Variants in MYO1E observed in about 807,000 individuals in gnomAD.
The protein encoded by MYO1E is myosin IE.
MYO1E carries 68 observed loss-of-function variants against 151.1 expected under a neutral mutation model. That is an observed-to-expected ratio of 0.45 (90% CI 0.37 to 0.55). The LOEUF is 0.55. Among genes scored for constraint, MYO1E ranks in the 20% least tolerant of loss-of-function variants. The pLI is 0.00. For synonymous variants in MYO1E, 601 were observed against 501.7 expected (o/e 1.20, Z -2.64); for missense variants, 1,363 against 1,389.3 (o/e 0.98, Z 0.30).
intron 1 of MYO1E, among the ~76,000 whole-genome samples, chr15:59,274,171 C>G (rs1383345715): frequency 6.6e-6 from 1 of 152,098 alleles, no homozygotes; most frequent in African/African-American, 2.4e-5. Flanking sequence ...GAAAAGTGTA[C>G]AGTGTCATGG....
rs1201241759 is a variant in MYO1E at position 59,350,491 on chromosome 15, G to GAGGGCAGCA, written c.3+22006_3+22007insTGCTGCCCT. 1.3e-5 allele frequency among the ~76,000 whole-genome samples: 2 copies of GAGGGCAGCA among 152,220 alleles called. No individual in the cohort carries two copies. Among genetic ancestry groups the GAGGGCAGCA allele is most frequent in the African/African-American group, 4.8e-5 (2 of 41,462 alleles). On this transcript the variant is annotated intron_variant, in intron 1 of 27. Transcript: ENST00000288235. This position sits in a 1 kb window ranked among gnomAD's most constrained non-coding sequence, Gnocchi z 5.0. ...TAAACCAGAAAAGACACAGGAGAAT[G>GAGGGCAGCA]TAGTGTCTGCCCTCAGAGACTACAT... is the stretch of plus-strand genomic sequence containing the variant.
chr15:59,372,064 C>T (rs1428374187), intron 1 of MYO1E, among the ~76,000 whole-genome samples: 3 of 149,340 alleles, frequency 2.0e-5, no homozygotes, highest in Admixed American at 6.6e-5. Context: ...GTGCCCGGGG[C>T]GGGGCGGGCA....
intron 1 of MYO1E, among the ~76,000 whole-genome samples, chr15:59,353,513 T>A (rs1192095801): frequency 2.0e-5 from 3 of 151,624 alleles, no homozygotes; most frequent in African/African-American, 7.3e-5. Context: ...TCTCAGCACT[T>A]TGGGAGGCTG....
intron 1 of MYO1E, among the ~76,000 whole-genome samples, chr15:59,303,982 C>CT (rs35196401): frequency 0.026 from 3,434 of 132,634 alleles, 135 homozygotes; most frequent in African/African-American, 0.083. Flanking sequence ...TCTTTTCTTT[C>CT]TTTTTTTTTT....
At chr15:59,319,497 C>T (rs1431447552) in intron 1 of MYO1E, among the ~76,000 whole-genome samples, 2 of 140,658 alleles carry the variant, frequency 1.4e-5, no homozygotes, top group African/African-American at 5.3e-5. Flanking sequence ...CCAGAGCTAT[C>T]AGGCAAGAGA....
At chr15:59,228,255 G>GT (rs2080003852) in intron 6 of MYO1E, among the ~76,000 whole-genome samples, 1 of 152,164 alleles carries the variant, frequency 6.6e-6, no homozygotes, top group South Asian at 2.1e-4. Context: ...GCTGAGGCAG[G>GT]TGGATCACTG....
intron 1 of MYO1E, among the ~76,000 whole-genome samples, chr15:59,353,769 A>AAAG (rs1894062169): frequency 6.8e-6 from 1 of 147,890 alleles, no homozygotes. Context: ...AAAAAAAAAA[A>AAAG]AAACAAAGAA....
chr15:59,227,570 C>T lies in MYO1E; in HGVS notation c.531G>A (p.Gln177=), dbSNP rs1465660684. Residue 177 remains glutamine (Q), a synonymous_variant, in exon 7 of 28, where the codon CAG becomes CAA. Coordinates refer to ENST00000288235, the MANE Select transcript of MYO1E (RefSeq NM_004998.4). ...SSRFGKYFEI[Q]FSPGGEPDGG... ...CATCTGGTTCCCCACCTGGACTGAA[C>T]TGGATTTCAAAGTATTTTCCCTGCA... The T allele has an allele frequency of 3.1e-6, 5 of 1,614,174 alleles. No homozygotes were observed. In the African/African-American group the frequency reaches 5.3e-5, roughly 17 times the overall value.
rs143402002 is a variant in MYO1E at position 59,185,088 on chromosome 15, T to C, written c.1904+3030A>G. Among the ~76,000 whole-genome samples the C allele has an allele frequency of 2.6e-5, 4 of 152,360 alleles. No homozygotes were observed. In the East Asian group the frequency reaches 7.7e-4, roughly 29 times the overall value. The stretch of plus-strand genomic sequence containing the variant: ...TGTCTGCCATCAGCATGTCTTTTTT[T>C]TGAGAAATGTCTCTTGAGATCTTTT... On this transcript the variant is annotated intron_variant, in intron 18 of 27. Transcript: ENST00000288235.
At chr15:59,143,240 A>AG (rs1256700622) in intron 26 of MYO1E, among the ~76,000 whole-genome samples, 1 of 152,162 alleles carries the variant, frequency 6.6e-6, no homozygotes, top group Non-Finnish European at 1.5e-5. Context: ...CTTTATCACT[A>AG]GGCTGAATGG....
chr15:59,217,901 A>C lies in MYO1E; in HGVS notation c.1097T>G (p.Phe366Cys). Residue 366 changes from phenylalanine to cysteine, a missense_variant, in exon 10 of 28, where the codon TTC becomes TGC. Physicochemically the swap from Phe to Cys is radical, Grantham distance 205 (BLOSUM62 -2). Coordinates refer to ENST00000288235, the MANE Select transcript of MYO1E (RefSeq NM_004998.4). ...AKALHARVFD[F>C]LVDSINKAME... ...ACTTCTGTTACTTACATCTACCAAG[A>C]AATCAAAGACCCGGGCGTGCAGGGC... 6.2e-7 allele frequency: 1 copy of C among 1,614,068 alleles called. No homozygotes were observed. The highest frequency in any genetic ancestry group is 8.5e-7 in the Non-Finnish European group (1 of 1,179,990).
chr15:59,364,434 A>G (rs959216079), intron 1 of MYO1E, among the ~76,000 whole-genome samples: 6 of 152,222 alleles, frequency 3.9e-5, no homozygotes, highest in Non-Finnish European at 7.3e-5. Context: ...CCCTGTACAC[A>G]CTTCTGGAGG....
intron 1 of MYO1E, among the ~76,000 whole-genome samples, chr15:59,344,733 C>A (rs906736058): frequency 3.9e-5 from 6 of 152,188 alleles, no homozygotes; most frequent in African/African-American, 1.4e-4. Flanking sequence ...CCACTCTTAC[C>A]TCCCACCTTT....
At chr15:59,224,136 G>GC (rs1291969457) in intron 8 of MYO1E, among the ~76,000 whole-genome samples, 1 of 152,168 alleles carries the variant, frequency 6.6e-6, no homozygotes, top group African/African-American at 2.4e-5. Flanking sequence ...CTACATTATT[G>GC]CCCCCAGGAT....
At chr15:59,140,956 T>C (rs2079405280) in intron 26 of MYO1E, among the ~76,000 whole-genome samples, 1 of 152,192 alleles carries the variant, frequency 6.6e-6, no homozygotes, top group African/African-American at 2.4e-5. Flanking sequence ...CATCATTCGT[T>C]TTCTACCTAG....
intron 18 of MYO1E, among the ~76,000 whole-genome samples, chr15:59,186,038 G>T (rs1596356616): frequency 6.6e-6 from 1 of 152,344 alleles, no homozygotes; most frequent in African/African-American, 2.4e-5. Context: ...CAGCAAATGG[G>T]TGGTGCTATG....
chr15:59,140,832 C>A (rs181696925), intron 26 of MYO1E, among the ~76,000 whole-genome samples: 2 of 152,190 alleles, frequency 1.3e-5, no homozygotes, highest in African/African-American at 4.8e-5. Context: ...CACCACCCCA[C>A]GTGGGAGGGA....
rs767481173 is a variant in MYO1E at position 59,342,476 on chromosome 15, T to C, written c.3+30022A>G. Among the ~76,000 whole-genome samples, 13 of 152,376 alleles carry C rather than the reference T, an allele frequency of 8.5e-5. No homozygotes were observed. The South Asian group carries it at 1.0e-3, about 12-fold the overall frequency. On this transcript the variant is annotated intron_variant, in intron 1 of 27. Transcript: ENST00000288235. ...TTAGTAGTTTCATAGTTTGAAGTCT[T>C]AGATTTAGGTCATTCATCCATTTTC...
chr15:59,363,622 A>G (rs1187846573), intron 1 of MYO1E, among the ~76,000 whole-genome samples: 1 of 152,200 alleles, frequency 6.6e-6, no homozygotes, highest in Non-Finnish European at 1.5e-5. Flanking sequence ...GCCCTAAGTA[A>G]TTCCCCTCCC....
Sources: gnomAD v4.1 joint callset for allele counts (sites outside exome capture counted in the v4.1 genomes callset) on GRCh38, gnomAD v4.1.1 for gene constraint, Gnocchi (gnomAD v3.1) non-coding constraint, MANE v1.5 for transcripts, NCBI Gene and HGNC (gene_info 2026-07-23, HGNC 2026-07-21) for gene names.